Variants in PCSK5 observed in about 807,000 individuals in gnomAD.
PCSK5 encodes the protein prohormone convertase 5.
PCSK5 carries 129 observed loss-of-function variants against 233.2 expected under a neutral mutation model. The observed-to-expected ratio is 0.55, with a 90% CI of 0.48 to 0.64. The LOEUF (loss-of-function observed/expected upper bound fraction) is 0.64. Ranked by LOEUF, PCSK5 falls within the 30% of genes least tolerant of loss-of-function variation. The pLI, the probability that PCSK5 is intolerant of heterozygous loss-of-function variation, is 0.00. For synonymous variants in PCSK5, 825 were observed against 879.2 expected (o/e 0.94, Z 1.09); for missense variants, 2,076 against 2,430.1 (o/e 0.85, Z 3.06).
intron 2 of PCSK5, 41 bp from the exon 3 acceptor site, chr9:75,986,091 C>G (rs777484500): frequency 1.2e-5 from 14 of 1,150,834 alleles, no homozygotes; most frequent in Admixed American, 1.2e-4. Context: ...TGTAATAACC[C>G]TGATGGAACG....
In PCSK5 at chr9:76,056,319, A is replaced by G. The variant is rs1829817658; in HGVS notation, c.633-11636A>G. On this transcript the variant is annotated intron_variant, in intron 5 of 37. Coordinates refer to ENST00000674117, the MANE Select transcript of PCSK5 (RefSeq NM_001372043.1). The stretch of plus-strand genomic sequence containing the variant: ...GAGCTCTCTCACATCTTGTCTTCCG[A>G]TCTGGGATGAAACCTCAAATAAGTT... Among the ~76,000 whole-genome samples, 4 of 152,170 alleles carry G rather than the reference A, an allele frequency of 2.6e-5. No individual in the cohort carries two copies. In the South Asian group the frequency reaches 8.3e-4, roughly 32 times the overall value.
intron 5 of PCSK5, among the ~76,000 whole-genome samples, chr9:76,058,413 A>T (rs1829904221): frequency 6.6e-6 from 1 of 152,210 alleles, no homozygotes; most frequent in Admixed American, 6.5e-5. Flanking sequence ...AGTGAGATAG[A>T]GGACATATTT....
chr9:75,965,770 C>A (rs1187947226), intron 2 of PCSK5, among the ~76,000 whole-genome samples: 1 of 152,122 alleles, frequency 6.6e-6, no homozygotes, highest in Non-Finnish European at 1.5e-5. Context: ...GCTATTTCCC[C>A]CATTCTTAGG....
chr9:75,892,805 G>T (rs1825670059), intron 1 of PCSK5, among the ~76,000 whole-genome samples: 1 of 152,202 alleles, frequency 6.6e-6, no homozygotes, highest in Non-Finnish European at 1.5e-5. Context: ...CTCTTTGCCC[G>T]CCCAGAGGGA....
At position 76,026,978 on chromosome 9, in the gene PCSK5, C is replaced by T. The variant is rs142510369; in HGVS notation, c.573C>T (p.Cys191=). The change falls in exon 5 of 38, where the codon TGC becomes TGT. Residue 191 remains cysteine (C), a synonymous_variant. Transcript: ENST00000674117. ...GGCCATAGGATGCTCTGGCAAGTTG[C>T]GACGTGAATGGGAATGACTTGGACC... ...LMQNYDALAS[C]DVNGNDLDPM... The T allele has an allele frequency of 5.4e-4, 873 of 1,608,954 alleles. 6 individuals are homozygous for T. Among genetic ancestry groups the T allele is most frequent in the South Asian group, 1.2e-3 (107 of 90,168 alleles).
chr9:75,892,639 C>T (rs548162316), intron 1 of PCSK5, among the ~76,000 whole-genome samples: 1 of 152,322 alleles, frequency 6.6e-6, no homozygotes, highest in African/African-American at 2.4e-5. Flanking sequence ...GAGGCCATTG[C>T]GTTCCACGCC....
chr9:76,129,971 C>T (rs541826317), intron 9 of PCSK5, among the ~76,000 whole-genome samples: 4 of 152,174 alleles, frequency 2.6e-5, no homozygotes, highest in East Asian at 1.9e-4. Context: ...ATTCACTGAA[C>T]GGAGAAGAGT....
intron 1 of PCSK5, among the ~76,000 whole-genome samples, chr9:75,907,833 G>A (rs1029744976): frequency 6.6e-6 from 1 of 152,210 alleles, no homozygotes; most frequent in Non-Finnish European, 1.5e-5. Flanking sequence ...CACTGTTTAT[G>A]TAGAAGCAAT....
intron 2 of PCSK5, among the ~76,000 whole-genome samples, chr9:75,966,543 A>G (rs1201661685): frequency 2.6e-5 from 4 of 152,218 alleles, no homozygotes; most frequent in Non-Finnish European, 1.5e-5. Context: ...TTCTCGCTAT[A>G]GAGGTAGATC....
intron 27 of PCSK5, among the ~76,000 whole-genome samples, chr9:76,297,416 C>T (rs1049508390): frequency 2.0e-5 from 3 of 152,152 alleles, no homozygotes; most frequent in African/African-American, 4.8e-5. Context: ...TTGCTCTTCC[C>T]AGTTGCAGAC....
At position 76,358,959 on chromosome 9, in the gene PCSK5, C is replaced by T; in HGVS notation, c.*37C>T. 2 of 1,579,896 alleles carry T rather than the reference C, an allele frequency of 1.3e-6. No homozygotes were observed. Among genetic ancestry groups the T allele is most frequent in the Non-Finnish European group, 8.7e-7 (1 of 1,155,472 alleles). On this transcript the variant is annotated 3_prime_UTR_variant, in exon 38 of 38. Transcript: ENST00000674117. ...CCCACCAACACCACCATTCCACTCT[C>T]AGGCATGCCTGTGAGCATCACTGTT...
intron 2 of PCSK5, among the ~76,000 whole-genome samples, chr9:75,954,902 T>C (rs1825024570): frequency 6.6e-6 from 1 of 152,228 alleles, no homozygotes; most frequent in Non-Finnish European, 1.5e-5. Context: ...TCTGAAATGC[T>C]ATCTATTTGT....
chr9:75,944,643 TAA>T (rs1285264582), intron 2 of PCSK5, among the ~76,000 whole-genome samples: 1 of 152,058 alleles, frequency 6.6e-6, no homozygotes, highest in Non-Finnish European at 1.5e-5. Flanking sequence ...CCCACATGTG[TAA>T]AGTTTGGAGA....
At chr9:75,931,475 A>G (rs1267733243) in intron 1 of PCSK5, among the ~76,000 whole-genome samples, 1 of 152,168 alleles carries the variant, frequency 6.6e-6, no homozygotes, top group East Asian at 1.9e-4. Flanking sequence ...GAAAAGGAAA[A>G]CAGAGACTTA....
At chr9:76,017,198 C>T (rs377002658) in intron 3 of PCSK5, among the ~76,000 whole-genome samples, 2 of 152,154 alleles carry the variant, frequency 1.3e-5, no homozygotes, top group African/African-American at 4.8e-5. Flanking sequence ...GGCTCCATTT[C>T]CCAGTTCCAG....
chr9:76,215,439 C>T lies in PCSK5; in HGVS notation c.2627-12064C>T, dbSNP rs562915693. 2.4e-3 allele frequency among the ~76,000 whole-genome samples: 18 copies of T among 7,400 alleles called. No individual in the cohort carries two copies. In the African/African-American group the frequency reaches 0.032, roughly 13 times the overall value. 4.9% of individuals were successfully genotyped at this position (7,400 alleles called of 152,430 possible). ...CTGCCTGGTAGCTGCAGACCTAAGC[C>T]ATGGGCTGGGCTAGGCTTTGAAGGC... On this transcript the variant is annotated intron_variant, in intron 20 of 37. Transcript: ENST00000674117.
intron 2 of PCSK5, among the ~76,000 whole-genome samples, chr9:75,940,441 C>G (rs79931607): frequency 0.011 from 1,656 of 152,276 alleles, 33 homozygotes; most frequent in African/African-American, 0.038. Flanking sequence ...GCAGAGCATT[C>G]AAGCATTGTG....
chr9:76,070,407 A>G (rs975301724), intron 6 of PCSK5, among the ~76,000 whole-genome samples: 1 of 152,248 alleles, frequency 6.6e-6, no homozygotes, highest in Non-Finnish European at 1.5e-5. Context: ...GTCAAGAGAC[A>G]TTAACAACCA....
intron 9 of PCSK5, among the ~76,000 whole-genome samples, chr9:76,133,142 G>T (rs962862083): frequency 2.0e-5 from 3 of 152,040 alleles, no homozygotes; most frequent in Non-Finnish European, 2.9e-5. Flanking sequence ...TATTGTTGCT[G>T]AAGTGAAGGT....
Sources: allele counts gnomAD v4.1 joint callset (sites outside exome capture counted in the v4.1 genomes callset), GRCh38; gene constraint gnomAD v4.1.1; transcripts MANE v1.5; gene names NCBI Gene and HGNC (gene_info 2026-07-23, HGNC 2026-07-21).